The following CFAP20DC variants were observed in gnomAD, a reference collection of about 807,000 sequenced individuals.
CFAP20DC encodes the protein protein CFAP20DC.
A neutral mutation model predicts 101.7 loss-of-function variants in CFAP20DC; 84 were observed. The observed-to-expected ratio is 0.83, with a 90% confidence interval of 0.69 to 0.99. The LOEUF is 0.99. Among genes scored for constraint, CFAP20DC ranks in the 50% least tolerant of loss-of-function variants. The probability of loss-of-function intolerance (pLI) is 0.00; values close to 1 mark genes in which losing one functional copy is unlikely to be tolerated. For missense variants in CFAP20DC, 1,007 were observed against 970.3 expected (o/e 1.04, Z -0.50); for synonymous variants, 359 against 351.2 (o/e 1.02, Z -0.25).
intron 5 of CFAP20DC, among the ~76,000 whole-genome samples, chr3:58,931,288 A>C (rs28828720): frequency 1.6e-4 from 25 of 152,256 alleles, no homozygotes; most frequent in Admixed American, 7.8e-4. Context: ...CTGGGTGGAG[A>C]CCACCACAAC....
chr3:58,952,589 CCTCT>C (rs1359131943), intron 4 of CFAP20DC, among the ~76,000 whole-genome samples: 3 of 152,038 alleles, frequency 2.0e-5, no homozygotes, highest in Non-Finnish European at 2.9e-5. Context: ...CCTATGTAAT[CCTCT>C]CTCTATCAAT....
At chr3:58,870,346 T>C (rs1388820868) in intron 7 of CFAP20DC, 37 bp from the exon 8 acceptor site, 1 of 1,598,570 alleles carries the variant, frequency 6.3e-7, no homozygotes, top group Non-Finnish European at 8.6e-7. Flanking sequence ...AGTCCATTAA[T>C]GGGTGTAATG....
chr3:58,860,914 C>T (rs920764204), intron 12 of CFAP20DC, among the ~76,000 whole-genome samples: 2 of 152,002 alleles, frequency 1.3e-5, no homozygotes, highest in Non-Finnish European at 2.9e-5. Flanking sequence ...ATAAGAACAA[C>T]TTCAAAATTA....
chr3:59,048,984 T>C (rs966682461), intron 1 of CFAP20DC, among the ~76,000 whole-genome samples: 6 of 152,284 alleles, frequency 3.9e-5, no homozygotes, highest in South Asian at 2.1e-4. Flanking sequence ...TAGGAATCAC[T>C]TGGGGGAACT....
Position 58,831,823 on chromosome 3 carries a change from G to C in CFAP20DC, c.2038C>G (p.Leu680Val). The change falls in exon 14 of 17, where the codon CTA (leucine) becomes GTA (valine). Residue 680 changes from leucine (L) to valine (V), a missense_variant. Transcript: ENST00000482387. ...SESELQMLASLRWQQNEELED... is the reference protein window; with the variant it reads ...SESELQMLASVRWQQNEELED... ...AGTTCTTCATTTTGTTGCCACCGTA[G>C]GCTTGCTAGCATCTGTAACTCGGAT... The C allele has an allele frequency of 6.2e-7, 1 of 1,614,094 alleles. No homozygotes were observed. The highest frequency in any genetic ancestry group is 8.5e-7 in the Non-Finnish European group (1 of 1,179,988).
chr3:58,733,471 G>T (rs1165614313), intron 3 of CFAP20DC, among the ~76,000 whole-genome samples: 1 of 152,160 alleles, frequency 6.6e-6, no homozygotes, highest in Non-Finnish European at 1.5e-5. Context: ...AAGATGAGGT[G>T]ATTTGGAATA....
intron 4 of CFAP20DC, among the ~76,000 whole-genome samples, chr3:59,013,859 A>G (rs1172803081): frequency 6.6e-6 from 1 of 152,176 alleles, no homozygotes; most frequent in Non-Finnish European, 1.5e-5. Flanking sequence ...TAAAAAACAA[A>G]AAAACTACAT....
chr3:58,871,910 T>A (rs1204375614), intron 7 of CFAP20DC, among the ~76,000 whole-genome samples: 1 of 152,094 alleles, frequency 6.6e-6, no homozygotes, highest in East Asian at 1.9e-4. Flanking sequence ...GAATCCCCCA[T>A]GCTCTCTATT....
chr3:58,855,633 C>T (rs1035865909), intron 12 of CFAP20DC, among the ~76,000 whole-genome samples: 1 of 152,062 alleles, frequency 6.6e-6, no homozygotes, highest in Non-Finnish European at 1.5e-5. Context: ...GGCACAGATA[C>T]ACCATGGAAT....
At chr3:58,928,531 C>T (rs1322452446) in intron 5 of CFAP20DC, among the ~76,000 whole-genome samples, 2 of 152,206 alleles carry the variant, frequency 1.3e-5, no homozygotes, top group South Asian at 2.1e-4. Flanking sequence ...GAACTTTGCA[C>T]AGGCTCACAA....
intron 15 of CFAP20DC, among the ~76,000 whole-genome samples, chr3:58,763,392 G>C (rs2069876760): frequency 6.6e-6 from 1 of 152,062 alleles, no homozygotes; most frequent in Non-Finnish European, 1.5e-5. Flanking sequence ...GCTCCATCAG[G>C]TCCTTTAAGG....
intron 4 of CFAP20DC, among the ~76,000 whole-genome samples, chr3:58,989,833 G>A (rs1210093258): frequency 1.3e-5 from 2 of 152,118 alleles, no homozygotes; most frequent in Non-Finnish European, 2.9e-5. Context: ...AGCAAGAAAT[G>A]AGCCATTTAT....
rs1270115123 is a variant in CFAP20DC, at chr3:58,892,891, G to T, written c.551-8182C>A. ...TATTGCATAGGAGTGGTGAGAGAGG[G>T]CATTCTTGTCTTGTGCTGGTTTCCA... is the stretch of plus-strand genomic sequence containing the variant. On this transcript the variant is annotated intron_variant, in intron 6 of 16. Coordinates refer to ENST00000482387, the MANE Select transcript of CFAP20DC (RefSeq NM_001394063.1). The surrounding 1 kb of genome is among the most constrained non-coding windows in gnomAD (Gnocchi z 4.0). Among the ~76,000 whole-genome samples, 1 of 152,128 alleles carries T rather than the reference G, an allele frequency of 6.6e-6. No homozygotes were observed. Among genetic ancestry groups the T allele is most frequent in the African/African-American group, 2.4e-5 (1 of 41,424 alleles).
At position 58,874,296 on chromosome 3, in the gene CFAP20DC, C is replaced by T. The variant is rs923599453; in HGVS notation, c.716-3987G>A. On this transcript the variant is annotated intron_variant, in intron 7 of 16. Coordinates refer to ENST00000482387, the MANE Select transcript of CFAP20DC (RefSeq NM_001394063.1). The surrounding 1 kb of genome is among the most constrained non-coding windows in gnomAD (Gnocchi z 5.1). ...CCTCCACCAGCACTGACATCCTCTT[C>T]CTCCTGGATGATGACAAAGCCTTAC... Among the ~76,000 whole-genome samples the T allele has an allele frequency of 1.3e-5, 2 of 152,206 alleles. No homozygotes were observed. Among genetic ancestry groups the T allele is most frequent in the African/African-American group, 2.4e-5 (1 of 41,452 alleles).
intron 6 of CFAP20DC, among the ~76,000 whole-genome samples, chr3:58,891,787 T>C (rs2082281378): frequency 6.6e-6 from 1 of 152,270 alleles, no homozygotes; most frequent in South Asian, 2.1e-4. Flanking sequence ...TAGTTTCTTT[T>C]GCTGTGCAGA....
chr3:58,782,471 T>C (rs2071922138), intron 15 of CFAP20DC, among the ~76,000 whole-genome samples: 1 of 151,956 alleles, frequency 6.6e-6, no homozygotes, highest in Admixed American at 6.6e-5. Context: ...GCATCTAAAT[T>C]GGAAAAGTAT....
intron 7 of CFAP20DC, among the ~76,000 whole-genome samples, chr3:58,878,204 A>G (rs1449265152): frequency 6.6e-6 from 1 of 152,270 alleles, no homozygotes; most frequent in African/African-American, 2.4e-5. Flanking sequence ...CTAGGCAATT[A>G]AAATGTCTTC....
chr3:58,870,030 A>C, intron 8 of CFAP20DC, 143 bp downstream of exon 8: 1 of 716,670 alleles, frequency 1.4e-6, no homozygotes. Flanking sequence ...AAATTTATTC[A>C]AGCCTTCTGC....
chr3:58,976,649 G>A (rs2092290858), intron 4 of CFAP20DC, among the ~76,000 whole-genome samples: 1 of 152,156 alleles, frequency 6.6e-6, no homozygotes, highest in African/African-American at 2.4e-5. Flanking sequence ...CCCTCATAGT[G>A]CTGATGGGGA....
Sources: gnomAD v4.1 joint callset for allele counts (sites outside exome capture counted in the v4.1 genomes callset) on GRCh38, gnomAD v4.1.1 for gene constraint, Gnocchi (gnomAD v3.1) non-coding constraint, MANE v1.5 for transcripts, NCBI Gene and HGNC (gene_info 2026-07-23, HGNC 2026-07-21) for gene names.